OPCML: variants seen among roughly 807,000 people sequenced by gnomAD.
OPCML encodes opioid-binding protein/cell adhesion molecule.
Under a neutral mutation model 37.8 loss-of-function variants are expected in OPCML, and 13 were observed. The observed-to-expected ratio is 0.34, with a 90% CI of 0.22 to 0.55. OPCML has a LOEUF of 0.55. Ranked by LOEUF, OPCML falls within the 20% of genes least tolerant of loss-of-function variation. The pLI, the probability that OPCML is intolerant of heterozygous loss-of-function variation, is 0.91. For missense variants in OPCML, 341 were observed against 435.6 expected (o/e 0.78, Z 1.93); for synonymous variants, 176 against 168.8 (o/e 1.04, Z -0.33).
intron 3 of OPCML, among the ~76,000 whole-genome samples, chr11:132,537,508 C>T (rs1022448462): frequency 1.3e-5 from 2 of 152,104 alleles, no homozygotes; most frequent in African/African-American, 4.8e-5. Context: ...AACTATGTAG[C>T]CTTTGATTAG....
chr11:132,599,366 GAGGAGGAAGAAGGAGGAAGA>G (rs202098010), intron 3 of OPCML, among the ~76,000 whole-genome samples: 13,064 of 128,494 alleles, frequency 0.1, 790 homozygotes, highest in African/African-American at 0.18. Context: ...GGAGAAGGAG[GAGGAGGAAGAAGGAGGAAGA>G]AGGAGGAAGA....
intron 3 of OPCML, among the ~76,000 whole-genome samples, chr11:132,595,676 G>T (rs945967976): frequency 6.6e-6 from 1 of 152,118 alleles, no homozygotes; most frequent in Non-Finnish European, 1.5e-5. Context: ...GAACAAAATA[G>T]CAATTTCCGT....
At chr11:132,992,598 G>A (rs576331107) in intron 1 of OPCML, among the ~76,000 whole-genome samples, 1 of 152,260 alleles carries the variant, frequency 6.6e-6, no homozygotes, top group East Asian at 1.9e-4. Flanking sequence ...GTATCGGGGA[G>A]AGGCAGGCAA....
intron 1 of OPCML, among the ~76,000 whole-genome samples, chr11:132,949,815 A>G (rs1387312763): frequency 6.6e-6 from 1 of 152,196 alleles, no homozygotes; most frequent in Non-Finnish European, 1.5e-5. Flanking sequence ...CGGGTGTGTA[A>G]GCAGTGTTGA....
chr11:133,081,288 T>C (rs1948713056), intron 1 of OPCML, among the ~76,000 whole-genome samples: 1 of 152,154 alleles, frequency 6.6e-6, no homozygotes, highest in Admixed American at 6.5e-5. Context: ...TCAGCCCCGT[T>C]GGTACCACCT....
intron 2 of OPCML, among the ~76,000 whole-genome samples, chr11:132,699,261 G>A (rs573789083): frequency 2.9e-4 from 44 of 151,926 alleles, no homozygotes; most frequent in African/African-American, 9.9e-4. Flanking sequence ...TGGAGGCTTT[G>A]GCATTTTCTA....
At chr11:132,548,509 G>T (rs927094883) in intron 3 of OPCML, among the ~76,000 whole-genome samples, 3 of 152,238 alleles carry the variant, frequency 2.0e-5, no homozygotes, top group Admixed American at 6.5e-5. Context: ...CAATTAAATG[G>T]CATTTAAAAG....
In OPCML at chr11:133,033,116, G is replaced by T. The variant is rs576374861; in HGVS notation, c.62-90106C>A. Among the ~76,000 whole-genome samples, 47 of 152,260 alleles carry T rather than the reference G, an allele frequency of 3.1e-4. No homozygotes were observed. The South Asian group carries it at 5.0e-3, about 16-fold the overall frequency. On this transcript the variant is annotated intron_variant, in intron 1 of 7. Transcript: ENST00000524381. ...AAAAAAAGAATGCAGATATTACCCAGAAAAGGCTCTTTCATCTTTTAAATT... is the reference window on the plus strand; with the variant it reads ...AAAAAAAGAATGCAGATATTACCCATAAAAGGCTCTTTCATCTTTTAAATT...
At chr11:132,427,824 G>C (rs148535644) in intron 7 of OPCML, among the ~76,000 whole-genome samples, 1 of 152,272 alleles carries the variant, frequency 6.6e-6, no homozygotes, top group South Asian at 2.1e-4. Context: ...GGCGGGGTAC[G>C]AGCAAACCAC....
intron 1 of OPCML, among the ~76,000 whole-genome samples, chr11:133,068,810 T>C (rs760600233): frequency 6.6e-6 from 1 of 152,186 alleles, no homozygotes; most frequent in Non-Finnish European, 1.5e-5. Context: ...CAGATTCATT[T>C]TTTCCATACT....
At chr11:132,646,965 CAA>C (rs1183856746) in intron 3 of OPCML, among the ~76,000 whole-genome samples, 1 of 152,072 alleles carries the variant, frequency 6.6e-6, no homozygotes, top group Non-Finnish European at 1.5e-5. Flanking sequence ...ATCAACAAAA[CAA>C]GAGAGAAAAA....
intron 1 of OPCML, chr11:133,026,542 C>G: frequency 1.0e-6 from 1 of 985,414 alleles, no homozygotes; most frequent in Non-Finnish European, 1.2e-6. Context: ...CTAGAAATCT[C>G]TCCTTTCCAA....
intron 1 of OPCML, among the ~76,000 whole-genome samples, chr11:133,167,234 A>C (rs1365006705): frequency 4.6e-5 from 7 of 152,160 alleles, no homozygotes. Context: ...TGCTTCCCTC[A>C]TCATCATCAT....
At chr11:132,884,066 C>CT (rs1376503936) in intron 2 of OPCML, among the ~76,000 whole-genome samples, 82 of 152,254 alleles carry the variant, frequency 5.4e-4, no homozygotes, top group African/African-American at 1.5e-3. Flanking sequence ...TAAAAATCAT[C>CT]TAATCGTAGA....
chr11:133,230,894 G>C (rs1940247619), intron 1 of OPCML, among the ~76,000 whole-genome samples: 1 of 152,204 alleles, frequency 6.6e-6, no homozygotes, highest in African/African-American at 2.4e-5. Context: ...GTGAAGAAAA[G>C]GGAGAAGAAA....
At chr11:132,681,955 A>T (rs1355949543) in intron 2 of OPCML, among the ~76,000 whole-genome samples, 2 of 133,146 alleles carry the variant, frequency 1.5e-5, no homozygotes, top group African/African-American at 6.3e-5. Context: ...ATTCCGTCTC[A>T]AAAAAAAAAA....
At chr11:133,473,855 A>T (rs1423552210) in intron 1 of OPCML, among the ~76,000 whole-genome samples, 1 of 152,212 alleles carries the variant, frequency 6.6e-6, no homozygotes. Context: ...GAAGAAGGAA[A>T]TGTTGTACAC....
intron 1 of OPCML, among the ~76,000 whole-genome samples, chr11:133,408,583 C>T (rs555445326): frequency 6.6e-6 from 1 of 152,286 alleles, no homozygotes; most frequent in East Asian, 1.9e-4. Flanking sequence ...CAGCTCAGGG[C>T]GCCAGGTGGG....
chr11:132,472,095 G>A (rs374377736), intron 4 of OPCML, among the ~76,000 whole-genome samples: 1 of 152,126 alleles, frequency 6.6e-6, no homozygotes, highest in East Asian at 1.9e-4. Context: ...TTCTTCAGTC[G>A]TCTTCCTGAC....
Sources: gnomAD v4.1 joint callset for allele counts (sites outside exome capture counted in the v4.1 genomes callset) on GRCh38, gnomAD v4.1.1 for gene constraint, MANE v1.5 for transcripts, NCBI Gene and HGNC (gene_info 2026-07-23, HGNC 2026-07-21) for gene names.